Variants in BLK observed in about 807,000 individuals in gnomAD.
BLK encodes BLK proto-oncogene, Src family tyrosine kinase.
Under a neutral mutation model 61.8 loss-of-function variants are expected in BLK, and 64 were observed. The ratio of observed to expected loss-of-function variants is 1.03; its 90% CI spans 0.85 to 1.27. The LOEUF is 1.27. Among genes scored for constraint, BLK ranks in the 50% most tolerant of loss-of-function variants. BLK has a pLI of 0.00. For synonymous variants in BLK, 351 were observed against 272.0 expected, an observed-to-expected ratio of 1.29 and a Z score of -2.86; for missense variants, 853 against 660.5, an observed-to-expected ratio of 1.29 and a Z score of -3.19.
chr8:11,539,581 C>T lies in BLK; in HGVS notation c.-1-3643C>T, dbSNP rs562349738. 6.6e-5 allele frequency among the ~76,000 whole-genome samples: 10 copies of T among 152,210 alleles called. No individual in the cohort carries two copies. In the East Asian group the frequency reaches 1.2e-3, roughly 18 times the overall value. ...GACTGAAAATCAAAAGGTATGTGTG[C>T]TTTTTTATTTTAACAGAATTTAAAA... On this transcript the variant is annotated intron_variant, in intron 1 of 12. Transcript: ENST00000259089.
At chr8:11,525,398 A>G (rs1226016774) in intron 1 of BLK, among the ~76,000 whole-genome samples, 1 of 152,032 alleles carries the variant, frequency 6.6e-6, no homozygotes, top group Non-Finnish European at 1.5e-5. Flanking sequence ...ATGTCCAGGT[A>G]TTTTCTTTTC....
intron 10 of BLK, among the ~76,000 whole-genome samples, chr8:11,559,520 AACAC>A (rs1308758762): frequency 8.7e-4 from 122 of 140,672 alleles, no homozygotes; most frequent in African/African-American, 3.6e-3. Context: ...CACACACACA[AACAC>A]ACACACAAAC....
chr8:11,555,831 G>A (rs1438155381), intron 8 of BLK: 1 of 380,006 alleles, frequency 2.6e-6, no homozygotes, highest in Admixed American at 3.7e-5. Flanking sequence ...GAAACAGGAG[G>A]TTAAACGTGA....
chr8:11,559,317 A>G (rs1260484114), intron 10 of BLK, among the ~76,000 whole-genome samples: 2 of 130,912 alleles, frequency 1.5e-5, no homozygotes, highest in African/African-American at 2.6e-5. Flanking sequence ...ACACACATAA[A>G]AACACAGACT....
intron 1 of BLK, among the ~76,000 whole-genome samples, chr8:11,537,600 C>T (rs1037876869): frequency 6.6e-6 from 1 of 152,196 alleles, no homozygotes; most frequent in African/African-American, 2.4e-5. Context: ...GCTCAAGCAG[C>T]CCTGGAGACA....
intron 1 of BLK, 100 bp downstream of exon 1, chr8:11,494,691 G>C (rs997763289): frequency 2.0e-5 from 3 of 152,300 alleles, no homozygotes; most frequent in African/African-American, 7.2e-5. Flanking sequence ...GGACATTGCT[G>C]TGGGTGCCAC....
intron 6 of BLK, among the ~76,000 whole-genome samples, chr8:11,552,178 C>A (rs1329784339): frequency 6.6e-6 from 1 of 152,186 alleles, no homozygotes; most frequent in Non-Finnish European, 1.5e-5. Context: ...CCATCTGTGG[C>A]TCAAGAACAG....
At chr8:11,548,861 A>G (rs777398502) in intron 4 of BLK, among the ~76,000 whole-genome samples, 163 bp from the exon 5 acceptor site, 42 of 152,136 alleles carry the variant, frequency 2.8e-4, no homozygotes, top group Non-Finnish European at 4.9e-4. Context: ...TAGCCACTGT[A>G]CCACTGAGCA....
chr8:11,509,064 T>G (rs1242621013), intron 1 of BLK: 1 of 152,158 alleles, frequency 6.6e-6, no homozygotes, highest in Non-Finnish European at 1.5e-5. Context: ...TTAGGAGGCA[T>G]CACAACAATG....
chr8:11,563,844 C>T (rs1278511696), intron 12 of BLK, 59 bp from the exon 13 acceptor site: 7 of 1,507,402 alleles, frequency 4.6e-6, no homozygotes, highest in Middle Eastern at 4.1e-4. Flanking sequence ...ACGCTCAGGG[C>T]CCCCCACCCA....
At chr8:11,515,747 G>A (rs749166200) in intron 1 of BLK, among the ~76,000 whole-genome samples, 13 of 152,190 alleles carry the variant, frequency 8.5e-5, no homozygotes, top group African/African-American at 2.7e-4. Flanking sequence ...TATGTGCTGC[G>A]CTGCATGCGG....
At chr8:11,526,307 G>A (rs77761580) in intron 1 of BLK, among the ~76,000 whole-genome samples, 3,064 of 152,134 alleles carry the variant, frequency 0.02, 96 homozygotes, top group African/African-American at 0.07. Flanking sequence ...AAATGTTTAC[G>A]TCTCAATTCA....
In BLK at chr8:11,556,709, C is replaced by A. The variant is rs748444664; in HGVS notation, c.824C>A (p.Thr275Asn). ...KVAIKTLKEG[T>N]MSPEAFLGEA... is the part of the protein sequence containing the mutation. ...GCCATTAAGACGCTGAAGGAGGGAA[C>A]CATGTCTCCAGAAGCCTTTCTGGGT... Residue 275 changes from threonine to asparagine, a missense_variant, in exon 9 of 13, where the codon ACC (threonine) becomes AAC (asparagine). Thr to Asn is a moderately conservative substitution (Grantham distance 65). Coordinates refer to ENST00000259089, the MANE Select transcript of BLK (RefSeq NM_001715.3). 1.2e-6 allele frequency: 2 copies of A among 1,614,198 alleles called. No homozygotes were observed. The highest frequency in any genetic ancestry group is 1.1e-5 in the South Asian group (1 of 91,082).
At chr8:11,550,711 T>A (rs1469586433) in intron 6 of BLK, among the ~76,000 whole-genome samples, 2 of 152,256 alleles carry the variant, frequency 1.3e-5, no homozygotes, top group East Asian at 3.9e-4. Context: ...GAGAAGAGGG[T>A]GGTAATTGAG....
At chr8:11,496,210 A>C (rs568533312) in intron 1 of BLK, among the ~76,000 whole-genome samples, 1 of 151,972 alleles carries the variant, frequency 6.6e-6, no homozygotes, top group Non-Finnish European at 1.5e-5. Flanking sequence ...TTGGTGTCCA[A>C]TGGGTTTTGT....
intron 1 of BLK, among the ~76,000 whole-genome samples, chr8:11,506,441 T>C (rs11776834): frequency 0.097 from 14,815 of 152,268 alleles, 956 homozygotes; most frequent in Middle Eastern, 0.19. Context: ...GTTAGGCTTC[T>C]TATGAGGGCG....
At position 11,528,910 on chromosome 8, in the gene BLK, T is replaced by C. The variant is rs114871821; in HGVS notation, c.-1-14314T>C. On this transcript the variant is annotated intron_variant, in intron 1 of 12. Coordinates refer to ENST00000259089, the MANE Select transcript of BLK (RefSeq NM_001715.3). The stretch of plus-strand genomic sequence containing the variant: ...GTGGGAGCTGAACGGTGAGAACATA[T>C]GGACACACAGAGGGGAATAACACAC... Among the ~76,000 whole-genome samples the C allele has an allele frequency of 4.2e-3, 646 of 152,136 alleles. 2 individuals carry two copies. The highest frequency in any genetic ancestry group is 0.015 in the African/African-American group (624 of 41,510).
intron 1 of BLK, among the ~76,000 whole-genome samples, chr8:11,539,901 A>C (rs1208103254): frequency 6.6e-6 from 1 of 152,208 alleles, no homozygotes; most frequent in East Asian, 1.9e-4. Flanking sequence ...ATATGCTGCA[A>C]TATACTTCCT....
At chr8:11,557,807 A>G in intron 9 of BLK, 155 bp from the exon 10 acceptor site, 1 of 669,352 alleles carries the variant, frequency 1.5e-6, no homozygotes, top group Non-Finnish European at 2.7e-6. Flanking sequence ...GGCACTCGGC[A>G]GCAGTAGGTA....
Sources: gnomAD v4.1 joint callset for allele counts (sites outside exome capture counted in the v4.1 genomes callset) on GRCh38, gnomAD v4.1.1 for gene constraint, MANE v1.5 for transcripts, NCBI Gene and HGNC (gene_info 2026-07-23, HGNC 2026-07-21) for gene names.